The following VANGL2 variants were observed in gnomAD, a reference collection of about 807,000 sequenced individuals.
The protein encoded by VANGL2 is vang-like protein 2.
In VANGL2, 14 loss-of-function variants were observed where a neutral mutation model predicts 50.2. That is an observed-to-expected ratio of 0.28 (90% CI 0.18 to 0.44). VANGL2 has a LOEUF of 0.44. VANGL2 is among the 20% of genes least tolerant of loss of function. The probability of loss-of-function intolerance (pLI) is 1.00; values close to 1 mark genes in which losing one functional copy is unlikely to be tolerated. For synonymous variants in VANGL2, 295 were observed against 297.2 expected, an observed-to-expected ratio of 0.99 and a Z score of 0.08; for missense variants, 533 against 701.5, an observed-to-expected ratio of 0.76 and a Z score of 2.71.
chr1:160,421,422 G>T (rs981734324), intron 6 of VANGL2, among the ~76,000 whole-genome samples: 1 of 152,182 alleles, frequency 6.6e-6, no homozygotes, highest in African/African-American at 2.4e-5. Context: ...TGGAGGCTGT[G>T]CTCAGGCCTC....
At chr1:160,406,564 G>T (rs991407908) in intron 1 of VANGL2, among the ~76,000 whole-genome samples, 4 of 152,098 alleles carry the variant, frequency 2.6e-5, no homozygotes, top group African/African-American at 9.7e-5. Context: ...ACCATGGCCC[G>T]TGGGGTCTTG....
chr1:160,424,290 C>T lies in VANGL2; in HGVS notation c.1305+7C>T. The stretch of plus-strand genomic sequence containing the variant: ...GCATGACATGACGCCCAAGGTAGGC[C>T]TGCCCTGCTGCCAGCATCCTTCCTC... On this transcript the variant is annotated splice_region_variant and intron_variant, in intron 7 of 7. Coordinates refer to ENST00000368061, the MANE Select transcript of VANGL2 (RefSeq NM_020335.3). 5 of 1,613,250 alleles carry T rather than the reference C, an allele frequency of 3.1e-6. No individual in the cohort carries two copies. Among genetic ancestry groups the T allele is most frequent in the Non-Finnish European group, 4.2e-6 (5 of 1,179,358 alleles).
chr1:160,424,968 C>A (rs1651400230), intron 7 of VANGL2, 150 bp from the exon 8 acceptor site: 4 of 1,116,594 alleles, frequency 3.6e-6, no homozygotes, highest in Non-Finnish European at 5.3e-6. Flanking sequence ...ATCTCAGGCC[C>A]CTTCCTGCTG....
chr1:160,425,484 C>CTA lies in VANGL2; in HGVS notation c.*107_*108insAT. On this transcript the variant is annotated 3_prime_UTR_variant, in exon 8 of 8. Coordinates refer to ENST00000368061, the MANE Select transcript of VANGL2 (RefSeq NM_020335.3). The stretch of plus-strand genomic sequence containing the variant: ...ATTCCTGCCACCCTTCTTCTTCTTG[C>CTA]TCTTTTTTTTTTACTTGAATTAACG... 1.1e-6 allele frequency: 1 copy of CTA among 948,300 alleles called. No individual in the cohort carries two copies. The highest frequency in any genetic ancestry group is 3.5e-5 in the African/African-American group (1 of 28,630). The allele number at this position is 948,300 out of a possible 1,614,324, so 58.7% of individuals were successfully genotyped here. A position where few individuals can be genotyped will look rare whatever the true frequency, so the allele number is the denominator to read the frequency against.
intron 1 of VANGL2, among the ~76,000 whole-genome samples, chr1:160,406,667 T>C (rs543486420): frequency 6.6e-6 from 1 of 152,022 alleles, no homozygotes; most frequent in Non-Finnish European, 1.5e-5. Context: ...CACCAGAGTG[T>C]TCTTGGCTCC....
intron 1 of VANGL2, among the ~76,000 whole-genome samples, chr1:160,404,112 G>GGTCGGA (rs1650572904): frequency 6.6e-6 from 1 of 152,190 alleles, no homozygotes; most frequent in Non-Finnish European, 1.5e-5. Flanking sequence ...AAGGGAGAGA[G>GGTCGGA]GTCGGAGTCG....
At chr1:160,408,988 C>A (rs1216192522) in intron 1 of VANGL2, among the ~76,000 whole-genome samples, 2 of 152,214 alleles carry the variant, frequency 1.3e-5, no homozygotes, top group African/African-American at 4.8e-5. Flanking sequence ...CATCAAGGTT[C>A]TTAGTTGTGG....
At chr1:160,417,959 T>C (rs1651118456) in intron 3 of VANGL2, among the ~76,000 whole-genome samples, 1 of 148,570 alleles carries the variant, frequency 6.7e-6, no homozygotes, top group Admixed American at 6.9e-5. Flanking sequence ...TTGCCCAGGC[T>C]GGAGTGCAAT....
At position 160,419,653 on chromosome 1, in the gene VANGL2, G is replaced by T. The variant is rs1274750227; in HGVS notation, c.800+44G>T. ...AGAAGGGTTGGGAGGGAAAGGGCAT[G>T]GGAGGATGTGGAGTGACTGCTAGGG... On this transcript the variant is annotated intron_variant, in intron 4 of 7. Transcript: ENST00000368061. The surrounding 1 kb of genome is among the most constrained non-coding windows in gnomAD (Gnocchi z 5.8). 6.3e-7 allele frequency: 1 copy of T among 1,592,240 alleles called. No individual in the cohort carries two copies. The highest frequency in any genetic ancestry group is 1.7e-5 in the Admixed American group (1 of 59,146).
At chr1:160,424,676 T>C (rs1374010821) in intron 7 of VANGL2, among the ~76,000 whole-genome samples, 1 of 152,210 alleles carries the variant, frequency 6.6e-6, no homozygotes, top group East Asian at 1.9e-4. Flanking sequence ...TTCCTAGAAT[T>C]GCTTTCCCTG....
In VANGL2 at chr1:160,425,172, C is replaced by T. The variant is rs184472534; in HGVS notation, c.1360C>T (p.Arg454Cys). 17 of 1,614,166 alleles carry T rather than the reference C, an allele frequency of 1.1e-5. No homozygotes were observed. Among genetic ancestry groups the T allele is most frequent in the African/African-American group, 2.7e-5 (2 of 75,018 alleles). ...AGPTIQYHKERWLAKQWTLVS... is the reference protein window; with the variant it reads ...AGPTIQYHKECWLAKQWTLVS... Reference sequence around the variant, plus strand: ...ACCTACCATCCAGTACCACAAGGAACGCTGGCTGGCCAAACAGTGGACATT... The same window carrying T: ...ACCTACCATCCAGTACCACAAGGAATGCTGGCTGGCCAAACAGTGGACATT... Residue 454 changes from arginine to cysteine, a missense_variant, in exon 8 of 8, where the codon CGC becomes TGC. Physicochemically the swap from Arg to Cys is radical, Grantham distance 180 (BLOSUM62 -3). Coordinates refer to ENST00000368061, the MANE Select transcript of VANGL2 (RefSeq NM_020335.3).
intron 1 of VANGL2, among the ~76,000 whole-genome samples, chr1:160,412,792 G>A (rs1446689289): frequency 6.6e-6 from 1 of 152,162 alleles, no homozygotes; most frequent in Admixed American, 6.5e-5. Flanking sequence ...TTCCCTGAGA[G>A]CCAGAGAGGC....
rs751127030 is a variant in VANGL2, at chr1:160,425,228, C to T, written c.1416C>T (p.Leu472=). 1.2e-6 allele frequency: 2 copies of T among 1,614,118 alleles called. No individual in the cohort carries two copies. The highest frequency in any genetic ancestry group is 2.2e-5 in the South Asian group (2 of 91,078). ...GCGAGGAGCCGGTGACCAACGGCCT[C>T]AAGGATGGCATCGTTTTCCTCTTAA... ...LVSEEPVTNG[L]KDGIVFLLKR... The change falls in exon 8 of 8, where the codon CTC becomes CTT. Residue 472 remains leucine, a synonymous_variant. Transcript: ENST00000368061.
chr1:160,409,481 A>C (rs1170759970), intron 1 of VANGL2, among the ~76,000 whole-genome samples: 3 of 152,122 alleles, frequency 2.0e-5, no homozygotes, highest in Non-Finnish European at 4.4e-5. Context: ...AAGGGGTGTC[A>C]GGGGAATGAT....
Position 160,415,824 on chromosome 1 carries a change from G to C in VANGL2, c.-14G>C, listed in dbSNP as rs199842200. ...GCGGCCCTGGAGCGCTACAAGGCGC[G>C]GCGTTCAGACGCCATGGACACCGAG... On this transcript the variant is annotated 5_prime_UTR_variant, in exon 2 of 8. Transcript: ENST00000368061. 2 of 1,611,340 alleles carry C rather than the reference G, an allele frequency of 1.2e-6. No homozygotes were observed. Among genetic ancestry groups the C allele is most frequent in the South Asian group, 1.1e-5 (1 of 90,446 alleles).
chr1:160,403,059 A>G (rs1650532568), intron 1 of VANGL2, among the ~76,000 whole-genome samples: 1 of 152,042 alleles, frequency 6.6e-6, no homozygotes, highest in Non-Finnish European at 1.5e-5. Context: ...ACCCTCCCTA[A>G]GGCCTGGAGA....
intron 1 of VANGL2, among the ~76,000 whole-genome samples, chr1:160,402,222 G>A (rs1044764110): frequency 2.6e-5 from 4 of 152,098 alleles, no homozygotes; most frequent in African/African-American, 7.2e-5. Flanking sequence ...GAAGATTGGC[G>A]GGGTCAGGGA....
chr1:160,402,005 A>G (rs994418835), intron 1 of VANGL2, among the ~76,000 whole-genome samples: 2 of 152,158 alleles, frequency 1.3e-5, no homozygotes, highest in African/African-American at 2.4e-5. Context: ...AAATCCCGAA[A>G]AGAAGGCTGT....
rs1651507204 is a variant in VANGL2 at position 160,427,688 on chromosome 1, G to T, written c.*2310G>T. 1 of 152,458 alleles carries T rather than the reference G, an allele frequency of 6.6e-6. No homozygotes were observed. 9.4% of individuals were successfully genotyped at this position (152,458 alleles called of 1,614,324 possible). Reference sequence around the variant, plus strand: ...AGTTGTCTCCATGCTGTGAACTGCTGTGGGGTGTGCAGCTGACTCAGTCCC... The same window carrying T: ...AGTTGTCTCCATGCTGTGAACTGCTTTGGGGTGTGCAGCTGACTCAGTCCC... On this transcript the variant is annotated 3_prime_UTR_variant, in exon 8 of 8. Coordinates refer to ENST00000368061, the MANE Select transcript of VANGL2 (RefSeq NM_020335.3).
Sources: gnomAD v4.1 joint callset for allele counts (sites outside exome capture counted in the v4.1 genomes callset) on GRCh38, gnomAD v4.1.1 for gene constraint, Gnocchi (gnomAD v3.1) non-coding constraint, MANE v1.5 for transcripts, NCBI Gene and HGNC (gene_info 2026-07-23, HGNC 2026-07-21) for gene names.